Variants in DSCAM observed in about 807,000 individuals in gnomAD.
The protein encoded by DSCAM is cell adhesion molecule DSCAM.
DSCAM carries 47 observed loss-of-function variants against 217.7 expected under a neutral mutation model. The observed-to-expected ratio is 0.22, with a 90% CI of 0.17 to 0.28. The LOEUF (loss-of-function observed/expected upper bound fraction) is 0.28, where lower values mean the gene tolerates loss of function less well. Ranked by LOEUF, DSCAM falls within the 10% of genes least tolerant of loss-of-function variation. The probability of loss-of-function intolerance (pLI) is 1.00; values close to 1 mark genes in which losing one functional copy is unlikely to be tolerated. For missense variants in DSCAM, 2,080 were observed against 2,618.3 expected (o/e 0.79, Z 4.49); for synonymous variants, 1,056 against 1,015.3 (o/e 1.04, Z -0.76).
At chr21:40,344,020 C>T (rs1043085149) in intron 6 of DSCAM, among the ~76,000 whole-genome samples, 17 of 152,022 alleles carry the variant, frequency 1.1e-4, no homozygotes, top group African/African-American at 3.6e-4. Context: ...TCTCCTGCCT[C>T]TGCCTGTAGC....
At chr21:40,065,610 G>A (rs902848943) in intron 27 of DSCAM, among the ~76,000 whole-genome samples, 1 of 152,296 alleles carries the variant, frequency 6.6e-6, no homozygotes, top group African/African-American at 2.4e-5. Flanking sequence ...CACGGTTGGG[G>A]TCGGTGCTCC....
chr21:40,418,913 T>C (rs1371110591), intron 3 of DSCAM, among the ~76,000 whole-genome samples: 2 of 152,174 alleles, frequency 1.3e-5, no homozygotes, highest in Non-Finnish European at 2.9e-5. Flanking sequence ...ATATTCAACC[T>C]ATTTTTTTCC....
intron 3 of DSCAM, among the ~76,000 whole-genome samples, chr21:40,661,288 T>C (rs1280890155): frequency 1.3e-5 from 2 of 152,192 alleles, no homozygotes; most frequent in Non-Finnish European, 2.9e-5. Context: ...CTCAATTCTA[T>C]CTAACACTCG....
At chr21:40,594,153 C>T (rs1259587659) in intron 3 of DSCAM, among the ~76,000 whole-genome samples, 1 of 152,070 alleles carries the variant, frequency 6.6e-6, no homozygotes, top group African/African-American at 2.4e-5. Flanking sequence ...ATGCCCCTAC[C>T]TCAAAACTTA....
At chr21:40,294,005 A>G (rs1221562869) in intron 10 of DSCAM, among the ~76,000 whole-genome samples, 1 of 152,230 alleles carries the variant, frequency 6.6e-6, no homozygotes, top group African/African-American at 2.4e-5. Context: ...GAGACAAAAA[A>G]TGTTTGCAGC....
At chr21:40,456,129 AT>A (rs1309244958) in intron 3 of DSCAM, among the ~76,000 whole-genome samples, 6 of 151,968 alleles carry the variant, frequency 3.9e-5, no homozygotes, top group South Asian at 4.2e-4. Context: ...ATTAAATATA[AT>A]TTTTTTAAAT....
At chr21:40,764,782 G>C (rs886908053) in intron 1 of DSCAM, among the ~76,000 whole-genome samples, 1 of 133,724 alleles carries the variant, frequency 7.5e-6, no homozygotes, top group Non-Finnish European at 1.8e-5. Flanking sequence ...AAAAATGAAT[G>C]AGTTCATGTC....
At chr21:40,407,143 T>A (rs1474932295) in intron 3 of DSCAM, among the ~76,000 whole-genome samples, 1 of 152,090 alleles carries the variant, frequency 6.6e-6, no homozygotes, top group Non-Finnish European at 1.5e-5. Flanking sequence ...TTTTAAATGT[T>A]CACACCACAA....
chr21:40,641,486 A>G (rs2089878643), intron 3 of DSCAM, among the ~76,000 whole-genome samples: 1 of 152,180 alleles, frequency 6.6e-6, no homozygotes, highest in South Asian at 2.1e-4. Flanking sequence ...AGTCAAGCAG[A>G]CGGTTATTTG....
intron 3 of DSCAM, among the ~76,000 whole-genome samples, chr21:40,501,926 A>AT (rs1358546968): frequency 1.3e-5 from 2 of 152,114 alleles, no homozygotes; most frequent in African/African-American, 4.8e-5. Context: ...GGCTGCAGTG[A>AT]TTTTCTAATT....
In DSCAM at chr21:40,012,392, C is replaced by G. The variant is rs776001637; in HGVS notation, c.*642G>C. On this transcript the variant is annotated 3_prime_UTR_variant, in exon 33 of 33. Transcript: ENST00000400454. ...GGAGGACCAGGCCACTGGCAGAAGA[C>G]GAGAGAAGCAGACATGGAAATAAAG... is the stretch of plus-strand genomic sequence containing the variant. 1 of 152,010 alleles carries G rather than the reference C, an allele frequency of 6.6e-6. No homozygotes were observed. Among genetic ancestry groups the G allele is most frequent in the Non-Finnish European group, 1.5e-5 (1 of 68,010 alleles). The allele number at this position is 152,010 out of a possible 1,614,324, so 9.4% of individuals were successfully genotyped here. A position where few individuals can be genotyped will look rare whatever the true frequency, so the allele number is the denominator to read the frequency against.
In DSCAM at chr21:40,279,362, A is replaced by G. The variant is rs978399610; in HGVS notation, c.2183-3092T>C. Among the ~76,000 whole-genome samples the G allele has an allele frequency of 1.1e-4, 14 of 131,050 alleles. No individual in the cohort carries two copies. The East Asian group carries it at 2.0e-3, about 19-fold the overall frequency. 86.0% of individuals were successfully genotyped at this position (131,050 alleles called of 152,430 possible). On this transcript the variant is annotated intron_variant, in intron 10 of 32. Transcript: ENST00000400454. ...TATGAGACTTTTATGTGGCCAAGAA[A>G]CATATGAAAAAAAGCTCATCATCAC...
intron 3 of DSCAM, among the ~76,000 whole-genome samples, chr21:40,572,676 C>T (rs2076817498): frequency 6.6e-6 from 1 of 152,120 alleles, no homozygotes; most frequent in Non-Finnish European, 1.5e-5. Flanking sequence ...TATTCTAATG[C>T]TAAGAGTCAC....
At chr21:40,835,859 C>T (rs1045600786) in intron 1 of DSCAM, among the ~76,000 whole-genome samples, 2 of 152,188 alleles carry the variant, frequency 1.3e-5, no homozygotes, top group Admixed American at 1.3e-4. Flanking sequence ...GTTTAAAATG[C>T]ACATATGCCC....
chr21:40,109,326 C>T (rs564308001), intron 20 of DSCAM, among the ~76,000 whole-genome samples: 2 of 152,130 alleles, frequency 1.3e-5, no homozygotes. Context: ...TCCGATAAAA[C>T]GTGGGCAGAG....
intron 3 of DSCAM, among the ~76,000 whole-genome samples, chr21:40,554,199 T>G (rs1445785462): frequency 6.6e-6 from 1 of 150,406 alleles, no homozygotes; most frequent in Non-Finnish European, 1.5e-5. Flanking sequence ...ATTGTTAGTT[T>G]TTTTTTTTTT....
rs148036584 is a variant in DSCAM at position 40,482,273 on chromosome 21, T to C, written c.509-113028A>G. Reference sequence around the variant, plus strand: ...GTTCTAAACGTAGCTATTGTACACTTATGTAGTGTCAGAAGCACTTTTTCT... The same window carrying C: ...GTTCTAAACGTAGCTATTGTACACTCATGTAGTGTCAGAAGCACTTTTTCT... On this transcript the variant is annotated intron_variant, in intron 3 of 32. Coordinates refer to ENST00000400454, the MANE Select transcript of DSCAM (RefSeq NM_001389.5). Among the ~76,000 whole-genome samples, 8 of 152,340 alleles carry C rather than the reference T, an allele frequency of 5.3e-5. No individual in the cohort carries two copies. The East Asian group carries it at 1.5e-3, about 29-fold the overall frequency.
chr21:40,424,952 G>T (rs762444731), intron 3 of DSCAM, among the ~76,000 whole-genome samples: 1 of 151,882 alleles, frequency 6.6e-6, no homozygotes, highest in Non-Finnish European at 1.5e-5. Context: ...AAAAAAATTA[G>T]CTGGGCATGG....
At chr21:40,204,075 T>G (rs139249869) in intron 11 of DSCAM, among the ~76,000 whole-genome samples, 1 of 152,306 alleles carries the variant, frequency 6.6e-6, no homozygotes, top group African/African-American at 2.4e-5. Context: ...AAGTGCTAAC[T>G]TTTGTTAACT....
Sources: gnomAD v4.1 joint callset for allele counts (sites outside exome capture counted in the v4.1 genomes callset) on GRCh38, gnomAD v4.1.1 for gene constraint, MANE v1.5 for transcripts, NCBI Gene and HGNC (gene_info 2026-07-23, HGNC 2026-07-21) for gene names.